CPVL: variants seen among roughly 807,000 people sequenced by gnomAD.
CPVL encodes carboxypeptidase vitellogenic like.
CPVL carries 51 observed loss-of-function variants against 63.7 expected under a neutral mutation model. That is an observed-to-expected ratio of 0.80 (90% CI 0.64 to 1.01). The LOEUF is 1.01. CPVL is among the 50% of genes least tolerant of loss of function. CPVL has a pLI of 0.00. For synonymous variants in CPVL, 195 were observed against 206.0 expected (o/e 0.95, Z 0.46); for missense variants, 530 against 573.1 (o/e 0.92, Z 0.77).
chr7:29,120,869 T>G, intron 2 of CPVL, 24 bp downstream of exon 2: 1 of 1,596,810 alleles, frequency 6.3e-7, no homozygotes, highest in South Asian at 1.1e-5. Flanking sequence ...CCAGTGGTTT[T>G]CTGATTTAAT....
intron 11 of CPVL, among the ~76,000 whole-genome samples, chr7:29,062,870 G>A (rs768647569): frequency 9.2e-5 from 14 of 152,108 alleles, no homozygotes; most frequent in Middle Eastern, 3.2e-3. Context: ...ATGGGCTGCC[G>A]ACTGCCCTGT....
At chr7:29,121,483 G>A (rs1789365087) in intron 1 of CPVL, among the ~76,000 whole-genome samples, 1 of 152,112 alleles carries the variant, frequency 6.6e-6, no homozygotes, top group South Asian at 2.1e-4. Context: ...AGTTTGGAAA[G>A]TAAATTCAAT....
At chr7:29,116,148 A>G (rs1788754709) in intron 2 of CPVL, among the ~76,000 whole-genome samples, 1 of 152,246 alleles carries the variant, frequency 6.6e-6, no homozygotes, top group Admixed American at 6.5e-5. Flanking sequence ...TGAATGAACT[A>G]AAACAAGCCC....
intron 11 of CPVL, among the ~76,000 whole-genome samples, chr7:29,036,840 C>T (rs910348548): frequency 1.3e-5 from 2 of 152,130 alleles, no homozygotes; most frequent in Non-Finnish European, 2.9e-5. Context: ...AAGCATTTTA[C>T]AGCATTCTCA....
In CPVL at chr7:29,003,608, T is replaced by C. The variant is rs532405847; in HGVS notation, c.1321-7726A>G. On this transcript the variant is annotated intron_variant, in intron 12 of 12. Coordinates refer to ENST00000265394, the MANE Select transcript of CPVL (RefSeq NM_031311.5). ...ATAATTAATAATGTCTTCTGGAGTT[T>C]GAACTATGTAGAAGTTTTTCAAAAG... Among the ~76,000 whole-genome samples, 3 of 152,302 alleles carry C rather than the reference T, an allele frequency of 2.0e-5. No homozygotes were observed. In the South Asian group the frequency reaches 6.2e-4, roughly 32 times the overall value.
At chr7:29,037,097 T>G (rs866033430) in intron 11 of CPVL, among the ~76,000 whole-genome samples, 3 of 152,192 alleles carry the variant, frequency 2.0e-5, no homozygotes, top group Non-Finnish European at 4.4e-5. Flanking sequence ...GTGGCAAACC[T>G]AAAGTGTGAC....
intron 3 of CPVL, 109 bp downstream of exon 3, chr7:29,112,595 A>C: frequency 1.4e-6 from 1 of 696,096 alleles, no homozygotes; most frequent in Non-Finnish European, 2.5e-6. Flanking sequence ...TTTTAGAAAA[A>C]ATCTATGAGA....
intron 7 of CPVL, among the ~76,000 whole-genome samples, chr7:29,075,958 T>TTTTTTTTG (rs1174172092): frequency 6.8e-6 from 1 of 147,508 alleles, no homozygotes; most frequent in African/African-American, 2.5e-5. Flanking sequence ...TTGAGATAGT[T>TTTTTTTTG]TTTTTTTTTT....
At chr7:29,076,810 T>C (rs1279675122) in intron 7 of CPVL, among the ~76,000 whole-genome samples, 1 of 152,228 alleles carries the variant, frequency 6.6e-6, no homozygotes, top group Non-Finnish European at 1.5e-5. Flanking sequence ...GATCTCAGAA[T>C]TCAGCTCTCA....
chr7:29,121,046 A>G lies in CPVL; in HGVS notation c.16T>C (p.Trp6Arg). MVGAM[W>R]KVIVSLVLLM... ...AGGACCAGCGAAACAATCACCTTCC[A>G]CATGGCACCAACCATCTCTCAGGGT... The change falls in exon 2 of 13, where the codon TGG becomes CGG. Residue 6 changes from tryptophan (W) to arginine (R), a missense_variant. By Grantham distance (101) the Trp-to-Arg change is moderately radical. Transcript: ENST00000265394. 1 of 1,604,926 alleles carries G rather than the reference A, an allele frequency of 6.2e-7. No homozygotes were observed. Among genetic ancestry groups the G allele is most frequent in the South Asian group, 1.1e-5 (1 of 88,768 alleles).
intron 1 of CPVL, among the ~76,000 whole-genome samples, chr7:29,137,821 A>G (rs1455389216): frequency 6.6e-6 from 1 of 151,428 alleles, no homozygotes; most frequent in Non-Finnish European, 1.5e-5. Context: ...AGCAATAGAT[A>G]ACCAATACAG....
intron 7 of CPVL, among the ~76,000 whole-genome samples, chr7:29,075,286 C>CTTT (rs1784129378): frequency 6.6e-6 from 1 of 152,096 alleles, no homozygotes; most frequent in Non-Finnish European, 1.5e-5. Flanking sequence ...TAAGAAGGAA[C>CTTT]ACCCACTCAG....
intron 11 of CPVL, among the ~76,000 whole-genome samples, chr7:29,046,041 A>G (rs1428839464): frequency 2.6e-5 from 4 of 151,840 alleles, no homozygotes; most frequent in African/African-American, 9.7e-5. Context: ...GATAAGTGAC[A>G]GGGAAATGTA....
intron 12 of CPVL, among the ~76,000 whole-genome samples, chr7:29,003,706 C>A (rs1784892131): frequency 6.6e-6 from 1 of 152,180 alleles, no homozygotes; most frequent in African/African-American, 2.4e-5. Context: ...CTTTCTGACA[C>A]CAGGGACCAA....
intron 5 of CPVL, among the ~76,000 whole-genome samples, chr7:29,175,746 A>C (rs1028435840): frequency 6.6e-6 from 1 of 152,146 alleles, no homozygotes; most frequent in Non-Finnish European, 1.5e-5. Flanking sequence ...AGCGGAGCAC[A>C]GGGAAAAAAA....
chr7:29,040,895 T>A (rs1403154980), intron 11 of CPVL, among the ~76,000 whole-genome samples: 1 of 152,180 alleles, frequency 6.6e-6, no homozygotes, highest in African/African-American at 2.4e-5. Context: ...CAGAAAGCCA[T>A]CATTCTGATG....
At chr7:29,024,449 C>A (rs923848788) in intron 12 of CPVL, among the ~76,000 whole-genome samples, 1 of 152,160 alleles carries the variant, frequency 6.6e-6, no homozygotes, top group African/African-American at 2.4e-5. Flanking sequence ...TAGCCCCAAA[C>A]TTCCAAAGTC....
intron 11 of CPVL, 142 bp from the exon 12 acceptor site, chr7:29,030,901 A>G (rs1004813525): frequency 1.1e-5 from 8 of 719,214 alleles, no homozygotes; most frequent in Non-Finnish European, 1.8e-5. Flanking sequence ...GCCATAAAGA[A>G]TAACAATCCG....
At chr7:29,041,817 AAAG>A (rs1193834606) in intron 11 of CPVL, among the ~76,000 whole-genome samples, 2 of 149,578 alleles carry the variant, frequency 1.3e-5, no homozygotes, top group Non-Finnish European at 2.9e-5. Flanking sequence ...AGTACAAAGA[AAAG>A]AATGTAAAAT....
Sources: gnomAD v4.1 joint callset for allele counts (sites outside exome capture counted in the v4.1 genomes callset) on GRCh38, gnomAD v4.1.1 for gene constraint, MANE v1.5 for transcripts, NCBI Gene and HGNC (gene_info 2026-07-23, HGNC 2026-07-21) for gene names.